Variants in RUNDC3B observed in about 807,000 individuals in gnomAD.
RUNDC3B encodes RUN domain containing 3B.
Under a neutral mutation model 58.4 loss-of-function variants are expected in RUNDC3B, and 33 were observed. The ratio of observed to expected loss-of-function variants is 0.56; its 90% CI spans 0.43 to 0.75. RUNDC3B has a LOEUF of 0.75. Among genes scored for constraint, RUNDC3B ranks in the 30% least tolerant of loss-of-function variants. The pLI, the probability that RUNDC3B is intolerant of heterozygous loss-of-function variation, is 0.00. For missense variants in RUNDC3B, 501 were observed against 535.7 expected (o/e 0.94, Z 0.64); for synonymous variants, 193 against 195.2 (o/e 0.99, Z 0.10).
chr7:87,742,621 T>TAG (rs1475078139), intron 6 of RUNDC3B, among the ~76,000 whole-genome samples: 12 of 150,836 alleles, frequency 8.0e-5, no homozygotes, highest in Non-Finnish European at 1.3e-4. Flanking sequence ...GATAGATAGA[T>TAG]ATCATGGTTT....
At chr7:87,694,169 C>A in intron 2 of RUNDC3B, 1 of 388,300 alleles carries the variant, frequency 2.6e-6, no homozygotes, top group South Asian at 1.0e-4. Flanking sequence ...CTTGTAAATC[C>A]ACACAATATA....
intron 6 of RUNDC3B, among the ~76,000 whole-genome samples, chr7:87,760,222 G>A (rs1833602818): frequency 6.6e-6 from 1 of 152,078 alleles, no homozygotes; most frequent in South Asian, 2.1e-4. Context: ...GTGGCATTCA[G>A]TACTTCAGAT....
At chr7:87,677,191 A>G (rs1826453757) in intron 2 of RUNDC3B, among the ~76,000 whole-genome samples, 1 of 151,884 alleles carries the variant, frequency 6.6e-6, no homozygotes, top group South Asian at 2.1e-4. Flanking sequence ...TGTTTATTGC[A>G]GGATTTTTAA....
At chr7:87,725,321 A>G (rs974068029) in intron 4 of RUNDC3B, among the ~76,000 whole-genome samples, 5 of 152,254 alleles carry the variant, frequency 3.3e-5, no homozygotes, top group African/African-American at 1.2e-4. Flanking sequence ...ATTCGCACCT[A>G]TAAGTGAGAA....
At chr7:87,685,237 TTAA>T (rs1184516240) in intron 2 of RUNDC3B, among the ~76,000 whole-genome samples, 1 of 152,140 alleles carries the variant, frequency 6.6e-6, no homozygotes, top group Non-Finnish European at 1.5e-5. Context: ...TATAAAAACC[TTAA>T]TAATATGAAA....
intron 6 of RUNDC3B, among the ~76,000 whole-genome samples, chr7:87,761,168 A>C (rs1379599558): frequency 1.3e-5 from 2 of 151,958 alleles, no homozygotes; most frequent in Non-Finnish European, 2.9e-5. Context: ...TGGGCTAAGG[A>C]CTTAAATAAA....
chr7:87,768,110 A>G (rs534630088), intron 6 of RUNDC3B, among the ~76,000 whole-genome samples: 248 of 152,318 alleles, frequency 1.6e-3, no homozygotes, highest in South Asian at 3.1e-3. Flanking sequence ...AGTGGAGAAT[A>G]GTACTGTCTC....
chr7:87,675,363 T>G (rs568013845), intron 2 of RUNDC3B, among the ~76,000 whole-genome samples: 1 of 152,080 alleles, frequency 6.6e-6, no homozygotes, highest in African/African-American at 2.4e-5. Flanking sequence ...TTTCCTAAAA[T>G]TTATATCAAA....
chr7:87,713,673 C>T (rs539007776), intron 4 of RUNDC3B, among the ~76,000 whole-genome samples: 2 of 148,816 alleles, frequency 1.3e-5, no homozygotes, highest in East Asian at 4.0e-4. Flanking sequence ...AAGAGAGAGA[C>T]TTCTTTTGGT....
intron 6 of RUNDC3B, among the ~76,000 whole-genome samples, chr7:87,750,190 C>T (rs913988479): frequency 6.6e-6 from 1 of 152,100 alleles, no homozygotes; most frequent in African/African-American, 2.4e-5. Context: ...CATCCATGTC[C>T]CTACAAAGGA....
At chr7:87,813,327 C>T (rs1294513346) in intron 9 of RUNDC3B, among the ~76,000 whole-genome samples, 1 of 152,136 alleles carries the variant, frequency 6.6e-6, no homozygotes, top group African/African-American at 2.4e-5. Flanking sequence ...TTACTATTGT[C>T]AGAAGCTGCT....
chr7:87,810,057 AG>A (rs1199900469), intron 9 of RUNDC3B, among the ~76,000 whole-genome samples: 1 of 151,630 alleles, frequency 6.6e-6, no homozygotes, highest in Non-Finnish European at 1.5e-5. Flanking sequence ...TTTTAATGAT[AG>A]TAGATGATTT....
chr7:87,807,398 A>G lies in RUNDC3B; in HGVS notation c.982A>G (p.Arg328Gly), dbSNP rs1204235722. 6.2e-6 allele frequency: 10 copies of G among 1,613,688 alleles called. No individual in the cohort carries two copies. Among genetic ancestry groups the G allele is most frequent in the Non-Finnish European group, 8.5e-6 (10 of 1,179,742 alleles). The change falls in exon 9 of 11, where the codon AGA (arginine) becomes GGA (glycine). Residue 328 changes from arginine to glycine, a missense_variant. By Grantham distance (125) the Arg-to-Gly change is moderately radical (BLOSUM62 -2). Coordinates refer to ENST00000394654, the MANE Select transcript of RUNDC3B (RefSeq NM_001134405.2). ...GACTGTGCTAAAGAATAATGATTTA[A>G]GATCGAGACAAGAGTTAACTGCCCA... ...QLTVLKNNDLRSRQELTAHLT... is the reference protein window; with the variant it reads ...QLTVLKNNDLGSRQELTAHLT...
chr7:87,660,904 T>C (rs1003966304), intron 2 of RUNDC3B, among the ~76,000 whole-genome samples: 4 of 152,020 alleles, frequency 2.6e-5, no homozygotes, highest in Admixed American at 6.6e-5. Context: ...AATTGAGTTA[T>C]AGTCAGAATT....
chr7:87,634,640 A>C (rs1033952604), intron 1 of RUNDC3B, among the ~76,000 whole-genome samples: 1 of 151,484 alleles, frequency 6.6e-6, no homozygotes, highest in East Asian at 1.9e-4. Flanking sequence ...AAAAAAAAGA[A>C]AAAAAAAAGA....
intron 1 of RUNDC3B, among the ~76,000 whole-genome samples, chr7:87,648,707 C>T (rs535991721): frequency 6.6e-5 from 10 of 151,764 alleles, no homozygotes; most frequent in East Asian, 1.9e-4. Context: ...TTTTATTTCC[C>T]GATATAACTG....
At chr7:87,742,575 A>G (rs1029538852) in intron 6 of RUNDC3B, among the ~76,000 whole-genome samples, 33 of 147,854 alleles carry the variant, frequency 2.2e-4, no homozygotes, top group South Asian at 6.6e-4. Context: ...ATCATAGATA[A>G]ATAGATAGAT....
At chr7:87,792,780 T>C (rs1835595352) in intron 8 of RUNDC3B, among the ~76,000 whole-genome samples, 1 of 151,838 alleles carries the variant, frequency 6.6e-6, no homozygotes, top group Non-Finnish European at 1.5e-5. Flanking sequence ...ATAAATAACC[T>C]AATGATGCAT....
In RUNDC3B at chr7:87,702,696, T is replaced by G. The variant is rs114680828; in HGVS notation, c.372+2142T>G. Among the ~76,000 whole-genome samples the G allele has an allele frequency of 4.8e-3, 736 of 152,284 alleles. 3 individuals carry two copies. The highest frequency in any genetic ancestry group is 0.017 in the African/African-American group (696 of 41,564). On this transcript the variant is annotated intron_variant, in intron 3 of 10. Transcript: ENST00000394654. The stretch of plus-strand genomic sequence containing the variant: ...GGGTCCTCAGTAATTTTTAGGATTA[T>G]AAAATGTCTGAACTATTAAGTCAAA...
Sources: allele counts gnomAD v4.1 joint callset (sites outside exome capture counted in the v4.1 genomes callset), GRCh38; gene constraint gnomAD v4.1.1; transcripts MANE v1.5; gene names NCBI Gene and HGNC (gene_info 2026-07-23, HGNC 2026-07-21).